ALG9: variants seen among roughly 807,000 people sequenced by gnomAD.
The protein encoded by ALG9 is ALG9 alpha-1,2-mannosyltransferase.
ALG9 carries 55 observed loss-of-function variants against 81.8 expected under a neutral mutation model. The observed-to-expected ratio is 0.67, with a 90% confidence interval of 0.54 to 0.84. The LOEUF (loss-of-function observed/expected upper bound fraction) is 0.84, where lower values mean the gene tolerates loss of function less well. Ranked by LOEUF, ALG9 falls within the 40% of genes least tolerant of loss-of-function variation. The pLI, the probability that ALG9 is intolerant of heterozygous loss-of-function variation, is 0.00. For missense variants in ALG9, 629 were observed against 745.0 expected, an observed-to-expected ratio of 0.84 and a Z score of 1.81; for synonymous variants, 278 against 274.3, an observed-to-expected ratio of 1.01 and a Z score of -0.13.
At chr11:111,801,025 AG>A (rs1283197250) in intron 14 of ALG9, among the ~76,000 whole-genome samples, 1 of 152,230 alleles carries the variant, frequency 6.6e-6, no homozygotes, top group Non-Finnish European at 1.5e-5. Context: ...TTCTTTTCTC[AG>A]AAAGAGCTAG....
At chr11:111,835,528 T>C (rs1405278658) in intron 13 of ALG9, among the ~76,000 whole-genome samples, 1 of 152,220 alleles carries the variant, frequency 6.6e-6, no homozygotes, top group African/African-American at 2.4e-5. Flanking sequence ...AAGGTCCACC[T>C]GATAACTTGA....
At chr11:111,809,796 C>A (rs782682103) in intron 13 of ALG9, 23 bp from the exon 14 acceptor site, 1 of 1,613,466 alleles carries the variant, frequency 6.2e-7, no homozygotes, top group South Asian at 1.1e-5. Flanking sequence ...AAGGCCAACT[C>A]TTCATTAGTA....
At chr11:111,794,382 C>T (rs1488701352) in intron 14 of ALG9, among the ~76,000 whole-genome samples, 1 of 152,176 alleles carries the variant, frequency 6.6e-6, no homozygotes, top group Non-Finnish European at 1.5e-5. Context: ...CTCCTGGGTT[C>T]AAGTGATCCT....
intron 14 of ALG9, among the ~76,000 whole-genome samples, chr11:111,793,185 T>C (rs1555072003): frequency 6.6e-6 from 1 of 152,094 alleles, no homozygotes; most frequent in South Asian, 2.1e-4. Context: ...TCATACTATG[T>C]TGCCCAGACT....
downstream of ALG9, chr11:111,778,346 T>TC (rs1555055872): frequency 1.3e-5 from 2 of 152,340 alleles, no homozygotes; most frequent in Admixed American, 6.5e-5. Flanking sequence ...ATTCTTTTTT[T>TC]CCAGATGAGT....
rs1423540377 is a variant in ALG9, at chr11:111,783,845, G to A, written c.*2552C>T. 1 of 151,700 alleles carries A rather than the reference G, an allele frequency of 6.6e-6. No individual in the cohort carries two copies. Among genetic ancestry groups the A allele is most frequent in the East Asian group, 1.9e-4 (1 of 5,184 alleles). The allele number at this position is 151,700 out of a possible 1,614,324, so 9.4% of individuals were successfully genotyped here. A position where few individuals can be genotyped will look rare whatever the true frequency, so the allele number is the denominator to read the frequency against. On this transcript the variant is annotated 3_prime_UTR_variant, in exon 15 of 15. Coordinates refer to ENST00000616540, the MANE Select transcript of ALG9 (RefSeq NM_024740.2). ...CCAAAATCAGGTTTTAAAAGTGATA[G>A]GAACTGATATTTCCAAGGAATCCCT...
At chr11:111,854,225 T>G (rs1209816610) in intron 6 of ALG9, among the ~76,000 whole-genome samples, 4 of 149,772 alleles carry the variant, frequency 2.7e-5, no homozygotes, top group Non-Finnish European at 5.9e-5. Flanking sequence ...GGCTCCCGAG[T>G]AGCTGGGACT....
At chr11:111,827,436 T>C (rs1304662774) in intron 13 of ALG9, among the ~76,000 whole-genome samples, 1 of 151,840 alleles carries the variant, frequency 6.6e-6, no homozygotes, top group Non-Finnish European at 1.5e-5. Context: ...AGATGGGCAA[T>C]AAGAGTGAAA....
At chr11:111,811,013 G>A (rs2136436333) in intron 13 of ALG9, among the ~76,000 whole-genome samples, 1 of 152,104 alleles carries the variant, frequency 6.6e-6, no homozygotes, top group Admixed American at 6.5e-5. Flanking sequence ...GAAACAGAAA[G>A]GAAGAAACAA....
At chr11:111,769,265 C>A in the ALG9 span, 1 of 121,504 alleles carries the variant, frequency 8.2e-6, no homozygotes, top group Admixed American at 8.7e-5. Flanking sequence ...GAGCTGAGGT[C>A]ACACCACTGC....
At chr11:111,774,972 G>A in the ALG9 span, among the ~76,000 whole-genome samples, 1 of 151,834 alleles carries the variant, frequency 6.6e-6, no homozygotes, top group Non-Finnish European at 1.5e-5. Flanking sequence ...AAAAAATAAA[G>A]AGACAGGGTC....
At chr11:111,826,061 C>T (rs989159413) in intron 13 of ALG9, among the ~76,000 whole-genome samples, 3 of 43,080 alleles carry the variant, frequency 7.0e-5, no homozygotes, top group South Asian at 9.5e-4. Context: ...AGCAAAACTC[C>T]GTCTCAATAA....
At chr11:111,868,772 T>C in intron 2 of ALG9, 36 bp from the exon 3 acceptor site, 1 of 1,532,620 alleles carries the variant, frequency 6.5e-7, no homozygotes, top group Middle Eastern at 1.7e-4. Flanking sequence ...AGGGTTATAC[T>C]GGCCAAAAAT....
the ALG9 span, among the ~76,000 whole-genome samples, chr11:111,774,130 A>G: frequency 6.7e-6 from 1 of 149,800 alleles, no homozygotes; most frequent in Non-Finnish European, 1.5e-5. Context: ...TCATTCCAGC[A>G]CTCTAGGAGG....
chr11:111,774,072 A>C, the ALG9 span, among the ~76,000 whole-genome samples: 1 of 141,814 alleles, frequency 7.1e-6, no homozygotes, highest in African/African-American at 2.7e-5. Context: ...ATCTTATTAA[A>C]AAAAAAAAAA....
chr11:111,826,668 C>T (rs1428584766), intron 13 of ALG9, among the ~76,000 whole-genome samples: 1 of 152,106 alleles, frequency 6.6e-6, no homozygotes, highest in Non-Finnish European at 1.5e-5. Context: ...TCTTTTGGTA[C>T]TTGATATATC....
At chr11:111,776,291 A>G in the ALG9 span, among the ~76,000 whole-genome samples, 1 of 152,156 alleles carries the variant, frequency 6.6e-6, no homozygotes, top group Non-Finnish European at 1.5e-5. Context: ...AGGGTGTATT[A>G]AAAAAACAAA....
At chr11:111,870,168 A>G in intron 2 of ALG9, 64 bp downstream of exon 2, 3 of 1,517,716 alleles carry the variant, frequency 2.0e-6, no homozygotes, top group South Asian at 1.3e-5. Flanking sequence ...TTGTCTCTCG[A>G]TTGGTAATAA....
chr11:111,772,795 A>G, the ALG9 span, among the ~76,000 whole-genome samples: 4 of 152,244 alleles, frequency 2.6e-5, no homozygotes, highest in African/African-American at 9.6e-5. Context: ...GAAAGAATGA[A>G]AGAGGTACAT....
Sources: allele counts gnomAD v4.1 joint callset (sites outside exome capture counted in the v4.1 genomes callset), GRCh38; gene constraint gnomAD v4.1.1; transcripts MANE v1.5; gene names NCBI Gene and HGNC (gene_info 2026-07-23, HGNC 2026-07-21).